The following ERFL variants were observed in gnomAD, a reference collection of about 807,000 sequenced individuals.
ERFL encodes ETS domain-containing transcription factor ERF-like.
Under a neutral mutation model 27.9 loss-of-function variants are expected in ERFL, and 8 were observed. That is an observed-to-expected ratio of 0.29 (90% CI 0.17 to 0.52). ERFL has a LOEUF of 0.52. Among genes scored for constraint, ERFL ranks in the 20% least tolerant of loss-of-function variants. The probability of loss-of-function intolerance (pLI) is 0.97; values close to 1 mark genes in which losing one functional copy is unlikely to be tolerated. For missense variants in ERFL, 294 were observed against 444.4 expected (o/e 0.66, Z 3.04); for synonymous variants, 174 against 202.8 (o/e 0.86, Z 1.21).
Position 41,918,493 on chromosome 19 carries a change from ACAC to A in ERFL, c.-13-5564_-13-5562del, listed in dbSNP as rs1476366711. Among the ~76,000 whole-genome samples, 552 of 148,894 alleles carry A rather than the reference ACAC, an allele frequency of 3.7e-3. 4 individuals carry two copies. Among genetic ancestry groups the A allele is most frequent in the African/African-American group, 0.013 (524 of 40,328 alleles). ...CACACACGCACCACGCACACCACACACACATCACACACACACCACACACATCAC... is the reference window on the plus strand; with the variant it reads ...CACACACGCACCACGCACACCACACAATCACACACACACCACACACATCAC... On this transcript the variant is annotated intron_variant, in intron 1 of 5. Transcript: ENST00000597630.
In ERFL at chr19:41,916,687, G is replaced by A. The variant is rs567369988; in HGVS notation, c.-13-3755C>T. Among the ~76,000 whole-genome samples the A allele has an allele frequency of 1.4e-3, 215 of 151,656 alleles. No individual in the cohort carries two copies. The highest frequency in any genetic ancestry group is 1.3e-3 in the Non-Finnish European group (90 of 67,884). The stretch of plus-strand genomic sequence containing the variant: ...ACAACCAAGCACCACCGACCCTCGA[G>A]CGCATACATATGCACTTGGTCACGC... On this transcript the variant is annotated intron_variant, in intron 1 of 5. Coordinates refer to ENST00000597630, the MANE Select transcript of ERFL (RefSeq NM_001365103.2). This position sits in a 1 kb window ranked among gnomAD's most constrained non-coding sequence, Gnocchi z 5.4.
intron 1 of ERFL, among the ~76,000 whole-genome samples, chr19:41,918,042 G>C (rs2074812556): frequency 6.6e-6 from 1 of 151,854 alleles, no homozygotes; most frequent in South Asian, 2.1e-4. Context: ...GCCTGTCTTG[G>C]AGAGGAGGGG....
intron 1 of ERFL, among the ~76,000 whole-genome samples, chr19:41,922,934 C>T (rs1241814207): frequency 1.3e-5 from 2 of 152,196 alleles, no homozygotes; most frequent in Non-Finnish European, 2.9e-5. Flanking sequence ...CTCTGCCCAC[C>T]TCTCCCTCCA....
chr19:41,914,236 C>T (rs916150233), intron 1 of ERFL, among the ~76,000 whole-genome samples: 2 of 151,340 alleles, frequency 1.3e-5, no homozygotes, highest in Non-Finnish European at 2.9e-5. Context: ...CCTGTCTCCC[C>T]GTCTTTCTCC....
intron 1 of ERFL, among the ~76,000 whole-genome samples, chr19:41,919,304 C>T (rs1346507027): frequency 5.3e-5 from 8 of 152,172 alleles, no homozygotes; most frequent in Non-Finnish European, 8.8e-5. Context: ...GACTTCGGCA[C>T]AAGTTCACAG....
intron 1 of ERFL, among the ~76,000 whole-genome samples, chr19:41,919,380 TCAAA>T (rs1303779821): frequency 6.6e-6 from 1 of 151,834 alleles, no homozygotes; most frequent in Non-Finnish European, 1.5e-5. Context: ...ACATACACAA[TCAAA>T]CATACACAAA....
At chr19:41,923,981 T>G (rs1599681157) in intron 1 of ERFL, among the ~76,000 whole-genome samples, 1 of 38,750 alleles carries the variant, frequency 2.6e-5, no homozygotes. Flanking sequence ...AGGGGTGCGC[T>G]GGGAGGGGGC....
Position 41,921,279 on chromosome 19 carries a change from G to T in ERFL, c.-14+6761C>A, listed in dbSNP as rs1475784819. 1.3e-5 allele frequency among the ~76,000 whole-genome samples: 2 copies of T among 152,126 alleles called. No homozygotes were observed. Among genetic ancestry groups the T allele is most frequent in the Non-Finnish European group, 2.9e-5 (2 of 68,020 alleles). ...GGGGGGCACAGAGAAGGGGAGACAT[G>T]CAGGGAGGAAGAGAGACCGAGGGGG... On this transcript the variant is annotated intron_variant, in intron 1 of 5. Transcript: ENST00000597630. The surrounding 1 kb of genome is among the most constrained non-coding windows in gnomAD (Gnocchi z 4.4).
At chr19:41,914,969 C>CCTCCTCTTCCACTATCTCTGTCTCTGTCT (rs1568832608) in intron 1 of ERFL, among the ~76,000 whole-genome samples, 1 of 78,326 alleles carries the variant, frequency 1.3e-5, no homozygotes, top group Non-Finnish European at 2.2e-5. Context: ...TCTGTCTCTC[C>CCTCCTCTTCCACTATCTCTGTCTCTGTCT]CTCCCTCCCC....
At chr19:41,920,027 C>G (rs1223819360) in intron 1 of ERFL, among the ~76,000 whole-genome samples, 5 of 137,692 alleles carry the variant, frequency 3.6e-5, no homozygotes, top group Non-Finnish European at 6.2e-5. Flanking sequence ...ATGACGCGCT[C>G]ACAGACATGA....
intron 1 of ERFL, among the ~76,000 whole-genome samples, chr19:41,924,602 A>G (rs1271749528): frequency 2.0e-5 from 3 of 152,146 alleles, no homozygotes; most frequent in Non-Finnish European, 2.9e-5. Flanking sequence ...GGCACACATT[A>G]CAAGCACCTG....
intron 1 of ERFL, among the ~76,000 whole-genome samples, chr19:41,915,069 C>T (rs562217571): frequency 2.1e-4 from 24 of 113,838 alleles, no homozygotes; most frequent in African/African-American, 8.4e-4. Flanking sequence ...ACCTCTCCCC[C>T]ACCCATCGCT....
intron 2 of ERFL, among the ~76,000 whole-genome samples, chr19:41,912,314 A>T (rs907915076): frequency 1.3e-4 from 19 of 151,776 alleles, no homozygotes; most frequent in Admixed American, 3.3e-4. Context: ...TCTGTCTCTC[A>T]CACACACACA....
At chr19:41,922,332 CAGG>C (rs2074847295) in intron 1 of ERFL, among the ~76,000 whole-genome samples, 1 of 152,108 alleles carries the variant, frequency 6.6e-6, no homozygotes, top group Admixed American at 6.5e-5. Flanking sequence ...GGACAGAAAG[CAGG>C]AGATCAAGGG....
At position 41,910,881 on chromosome 19, in the gene ERFL, G is replaced by A. The variant is rs1555851186; in HGVS notation, c.68-784C>T. Among the ~76,000 whole-genome samples, 5 of 152,114 alleles carry A rather than the reference G, an allele frequency of 3.3e-5. No individual in the cohort carries two copies. The highest frequency in any genetic ancestry group is 6.5e-5 in the Admixed American group (1 of 15,274). On this transcript the variant is annotated intron_variant, in intron 2 of 5. Transcript: ENST00000597630. This position sits in a 1 kb window ranked among gnomAD's most constrained non-coding sequence, Gnocchi z 4.4. The stretch of plus-strand genomic sequence containing the variant: ...GACATGGCAGACACAGGCTGCGCAA[G>A]ACTCAAGGTCACGTCATCTCAACAA...
intron 1 of ERFL, among the ~76,000 whole-genome samples, chr19:41,915,773 G>A (rs1393247771): frequency 5.3e-5 from 8 of 151,918 alleles, no homozygotes; most frequent in Non-Finnish European, 7.4e-5. Flanking sequence ...TGCCCCTGGC[G>A]CCCCCCTGGC....
Position 41,914,855 on chromosome 19 carries a change from C to CT in ERFL, c.-13-1924_-13-1923insA, listed in dbSNP as rs2074787498. Among the ~76,000 whole-genome samples, 5 of 48,034 alleles carry CT rather than the reference C, an allele frequency of 1.0e-4. 1 individual carries two copies. The highest frequency in any genetic ancestry group is 3.6e-4 in the Admixed American group (2 of 5,522). 31.5% of individuals were successfully genotyped at this position (48,034 alleles called of 152,430 possible). A position where few individuals can be genotyped will look rare whatever the true frequency, so the allele number is the denominator to read the frequency against. ...CTTTCCACCGTCTCTGTCTCTCCCC[C>CT]CCTCCACCATCTCTGTCTCTCCCTC... On this transcript the variant is annotated intron_variant, in intron 1 of 5. Transcript: ENST00000597630.
rs1186803622 is a variant in ERFL, at chr19:41,907,836, C to T, written c.*392G>A. On this transcript the variant is annotated 3_prime_UTR_variant, in exon 6 of 6. Coordinates refer to ENST00000597630, the MANE Select transcript of ERFL (RefSeq NM_001365103.2). ...GGGGTTATTGCTCTGAGCTCCCTGT[C>T]CCCAGGGGGGCCTATATGGGGGGGG... The T allele has an allele frequency of 6.7e-5, 12 of 180,156 alleles. No homozygotes were observed. The East Asian group carries it at 1.2e-3, about 18-fold the overall frequency. The allele number at this position is 180,156 out of a possible 1,614,324, so 11.2% of individuals were successfully genotyped here.
At chr19:41,926,009 C>T (rs774541086) in intron 1 of ERFL, among the ~76,000 whole-genome samples, 42 of 151,644 alleles carry the variant, frequency 2.8e-4, no homozygotes, top group South Asian at 8.3e-4. Flanking sequence ...TGTGGTGACT[C>T]GGTACTGCTT....
Sources: allele counts gnomAD v4.1 joint callset (sites outside exome capture counted in the v4.1 genomes callset), GRCh38; gene constraint gnomAD v4.1.1; non-coding constraint Gnocchi (gnomAD v3.1); transcripts MANE v1.5; gene names NCBI Gene and HGNC (gene_info 2026-07-23, HGNC 2026-07-21).